PPP6R1: variants seen among roughly 807,000 people sequenced by gnomAD.
PPP6R1 encodes protein phosphatase 6 regulatory subunit 1, also known as serine/threonine-protein phosphatase 6 regulatory subunit 1.
In PPP6R1, 39 loss-of-function variants were observed where a neutral mutation model predicts 104.6. The ratio of observed to expected loss-of-function variants is 0.37; its 90% confidence interval spans 0.29 to 0.49. PPP6R1 has a LOEUF of 0.49. Ranked by LOEUF, PPP6R1 falls within the 20% of genes least tolerant of loss-of-function variation. The probability of loss-of-function intolerance (pLI) is 0.98; values close to 1 mark genes in which losing one functional copy is unlikely to be tolerated. For synonymous variants in PPP6R1, 549 were observed against 479.0 expected, an observed-to-expected ratio of 1.15 and a Z score of -1.91; for missense variants, 1,181 against 1,155.8, an observed-to-expected ratio of 1.02 and a Z score of -0.32.
chr19:55,240,139 G>A lies in PPP6R1; in HGVS notation c.1362-25C>T, dbSNP rs781683339. On this transcript the variant is annotated intron_variant, in intron 11 of 23. Transcript: ENST00000412770. ...CCTGGCAAGAGTGAAGGCCGCGGCT[G>A]CAAGCCAGGACTGGACCCAGGGATG... 38 of 1,564,162 alleles carry A rather than the reference G, an allele frequency of 2.4e-5. No individual in the cohort carries two copies. In the South Asian group the frequency reaches 3.4e-4, roughly 14 times the overall value.
rs376889698 is a variant in PPP6R1, at chr19:55,242,403, G to C, written c.704C>G (p.Pro235Arg). The C allele has an allele frequency of 8.7e-6, 14 of 1,613,816 alleles. No individual in the cohort carries two copies. Among genetic ancestry groups the C allele is most frequent in the Non-Finnish European group, 1.2e-5 (14 of 1,179,816 alleles). ...QMIQVQDSPEPDQLLATLEKQ... is the reference protein window; with the variant it reads ...QMIQVQDSPERDQLLATLEKQ... ...CTCCAGGGTGGCCAGCAGTTGGTCAGGCTCTGGGCTGTCCTGGACTTGGAT... is the reference window on the plus strand; with the variant it reads ...CTCCAGGGTGGCCAGCAGTTGGTCACGCTCTGGGCTGTCCTGGACTTGGAT... Residue 235 changes from proline (P) to arginine (R), a missense_variant, in exon 6 of 24, where the codon CCT (proline) becomes CGT (arginine). By Grantham distance (103) the Pro-to-Arg change is moderately radical. Coordinates refer to ENST00000412770, the MANE Select transcript of PPP6R1 (RefSeq NM_014931.4).
intron 15 of PPP6R1, among the ~76,000 whole-genome samples, chr19:55,238,208 A>G (rs548314383): frequency 6.6e-6 from 1 of 151,906 alleles, no homozygotes; most frequent in Non-Finnish European, 1.5e-5. Context: ...CCCAGTTTTC[A>G]CTTGAGCATC....
At position 55,241,092 on chromosome 19, in the gene PPP6R1, A is replaced by G; in HGVS notation, c.1162-13T>C. The G allele has an allele frequency of 6.5e-7, 1 of 1,549,304 alleles. No homozygotes were observed. Among genetic ancestry groups the G allele is most frequent in the Non-Finnish European group, 8.7e-7 (1 of 1,146,840 alleles). The stretch of plus-strand genomic sequence containing the variant: ...GGAAGAAGAGGTCCTATGGGAGGAC[A>G]CAGGATTGGTACCAGAGAGGCCCCG... On this transcript the variant is annotated splice_polypyrimidine_tract_variant and intron_variant, in intron 9 of 23. Transcript: ENST00000412770. This position sits in a 1 kb window ranked among gnomAD's most constrained non-coding sequence, Gnocchi z 5.4.
chr19:55,255,270 T>C (rs115999573), intron 1 of PPP6R1, among the ~76,000 whole-genome samples: 2,017 of 152,188 alleles, frequency 0.013, 54 homozygotes, highest in African/African-American at 0.046. Context: ...CACATTCAAA[T>C]CGTCTCCTGA....
In PPP6R1 at chr19:55,240,241, A is replaced by G. The variant is rs1189511315; in HGVS notation, c.1356T>C (p.Arg452=). 10 of 1,590,434 alleles carry G rather than the reference A, an allele frequency of 6.3e-6. No individual in the cohort carries two copies. Among genetic ancestry groups the G allele is most frequent in the African/African-American group, 1.3e-5 (1 of 74,216 alleles). ...GAAGGGCAGCAGGTGCTCACTGTAC[A>G]CGGTCGTTCTCCTCCCAGGACGTCA... ...RILTSWEEND[R]VQCAGGPRKG... is the part of the protein sequence containing the mutation. The change falls in exon 11 of 24, where the codon CGT becomes CGC. Residue 452 remains arginine (R), a synonymous_variant. Transcript: ENST00000412770.
In PPP6R1 at chr19:55,232,526, C is replaced by T. The variant is rs2087359210; in HGVS notation, c.1989-315G>A. 5 of 345,606 alleles carry T rather than the reference C, an allele frequency of 1.4e-5. No individual in the cohort carries two copies. In the South Asian group the frequency reaches 2.3e-4, roughly 16 times the overall value. 21.4% of individuals were successfully genotyped at this position (345,606 alleles called of 1,614,324 possible). ...CCATGGCAACCAGAGCAGACAGACCCACTCACCAGCTCTCAAGCCACCTCC... is the reference window on the plus strand; with the variant it reads ...CCATGGCAACCAGAGCAGACAGACCTACTCACCAGCTCTCAAGCCACCTCC... On this transcript the variant is annotated intron_variant, in intron 17 of 23. Coordinates refer to ENST00000412770, the MANE Select transcript of PPP6R1 (RefSeq NM_014931.4).
At chr19:55,252,572 G>T (rs535251605) in intron 1 of PPP6R1, among the ~76,000 whole-genome samples, 3 of 152,038 alleles carry the variant, frequency 2.0e-5, no homozygotes, top group Non-Finnish European at 4.4e-5. Context: ...ATTTTTGTGT[G>T]TGTTTTTTTA....
intron 17 of PPP6R1, chr19:55,236,363 C>T (rs548480322): frequency 2.4e-6 from 1 of 412,874 alleles, no homozygotes; most frequent in East Asian, 3.9e-5. Context: ...CTATGTTGCC[C>T]AGGGCTGGTC....
chr19:55,235,612 G>A (rs970953624), intron 17 of PPP6R1, among the ~76,000 whole-genome samples: 7 of 150,598 alleles, frequency 4.6e-5, no homozygotes, highest in African/African-American at 9.8e-5. Context: ...TCCGCCTTCC[G>A]GGTTCACGCC....
intron 5 of PPP6R1, among the ~76,000 whole-genome samples, chr19:55,244,024 G>A (rs969455105): frequency 2.6e-5 from 4 of 152,174 alleles, no homozygotes; most frequent in East Asian, 1.9e-4. Context: ...CGTAAGCTTC[G>A]GTGGGTGAGT....
At position 55,245,014 on chromosome 19, in the gene PPP6R1, A is replaced by T; in HGVS notation, c.618+106T>A. 6.8e-7 allele frequency: 1 copy of T among 1,481,366 alleles called. No individual in the cohort carries two copies. Among genetic ancestry groups the T allele is most frequent in the Non-Finnish European group, 9.2e-7 (1 of 1,088,440 alleles). The allele number at this position is 1,481,366 out of a possible 1,614,324, so 91.8% of individuals were successfully genotyped here. A position where few individuals can be genotyped will look rare whatever the true frequency, so the allele number is the denominator to read the frequency against. ...CGCCCTCCCAAAGTGCTGGAATTAC[A>T]GGCGTGAGCCACTGCGTCCAGCCCC... On this transcript the variant is annotated intron_variant, in intron 5 of 23. Transcript: ENST00000412770. The surrounding 1 kb of genome is among the most constrained non-coding windows in gnomAD (Gnocchi z 6.4).
chr19:55,236,653 G>C lies in PPP6R1; in HGVS notation c.1978C>G (p.Pro660Ala). Residue 660 changes from proline (P) to alanine (A), a missense_variant, in exon 17 of 24, where the codon CCT becomes GCT. By Grantham distance (27) the Pro-to-Ala change is conservative. Transcript: ENST00000412770. ...TGGAGGGGGACTCACCGGACACCAG[G>C]TGGCTGGCCCAGACGGGCCCCCCTG... is the stretch of plus-strand genomic sequence containing the variant. ...LARGARLGQP[P>A]GVRSGGSTDS... 1 of 1,563,292 alleles carries C rather than the reference G, an allele frequency of 6.4e-7. No individual in the cohort carries two copies. Among genetic ancestry groups the C allele is most frequent in the Non-Finnish European group, 8.6e-7 (1 of 1,159,264 alleles).
intron 12 of PPP6R1, 25 bp downstream of exon 12, chr19:55,239,974 C>T: frequency 6.2e-7 from 1 of 1,609,910 alleles, no homozygotes; most frequent in Non-Finnish European, 8.5e-7. Flanking sequence ...CCACCTAGCC[C>T]TCAGGCCGGC....
chr19:55,242,925 C>G (rs1014375588), intron 5 of PPP6R1, among the ~76,000 whole-genome samples: 2 of 152,140 alleles, frequency 1.3e-5, no homozygotes, highest in African/African-American at 4.8e-5. Context: ...TCACGTAGTA[C>G]ATGATTCCAA....
chr19:55,236,413 C>T (rs2087399027), intron 17 of PPP6R1: 1 of 530,042 alleles, frequency 1.9e-6, no homozygotes, highest in Admixed American at 3.7e-5. Context: ...GCCCTGGCCT[C>T]CCAAAGTACT....
At chr19:55,258,262 G>A (rs1032796289) in intron 1 of PPP6R1, among the ~76,000 whole-genome samples, 173 bp downstream of exon 1, 5 of 152,186 alleles carry the variant, frequency 3.3e-5, no homozygotes, top group Non-Finnish European at 5.9e-5. Context: ...GGAGGGTCGA[G>A]GGGGAAGAAA....
At chr19:55,251,806 G>T (rs2087555751) in intron 1 of PPP6R1, among the ~76,000 whole-genome samples, 1 of 152,152 alleles carries the variant, frequency 6.6e-6, no homozygotes, top group African/African-American at 2.4e-5. Flanking sequence ...AAGCGGGAGG[G>T]GGAATGGATT....
In PPP6R1 at chr19:55,231,442, G is replaced by A. The variant is rs766086989; in HGVS notation, c.2427C>T (p.His809=). Residue 809 remains histidine, a synonymous_variant, in exon 21 of 24, where the codon CAC becomes CAT. Transcript: ENST00000412770. The part of the protein sequence containing the change: ...VSIGDLQATF[H]GIRSAPSSSD... ...AGGAGCTGGGGGCAGAACGGATCCC[G>A]TGGAAGGTGGCCTGAAGGTCCCCGA... The A allele has an allele frequency of 4.3e-5, 69 of 1,606,992 alleles. 2 individuals carry two copies. The highest frequency in any genetic ancestry group is 2.6e-4 in the South Asian group (23 of 89,318).
chr19:55,238,753 C>T (rs1272356001), intron 15 of PPP6R1: 1 of 152,256 alleles, frequency 6.6e-6, no homozygotes, highest in East Asian at 1.9e-4. Context: ...GCCTCGGCCT[C>T]CCAAAGTACT....
Sources: gnomAD v4.1 joint callset for allele counts (sites outside exome capture counted in the v4.1 genomes callset) on GRCh38, gnomAD v4.1.1 for gene constraint, Gnocchi (gnomAD v3.1) non-coding constraint, MANE v1.5 for transcripts, NCBI Gene and HGNC (gene_info 2026-07-23, HGNC 2026-07-21) for gene names.